The following ANKS1B variants were observed in gnomAD, a reference collection of about 807,000 sequenced individuals.
ANKS1B encodes ankyrin repeat and sterile alpha motif domain-containing protein 1B.
A neutral mutation model predicts 148.3 loss-of-function variants in ANKS1B; 36 were observed. That is an observed-to-expected ratio of 0.24 (90% confidence interval 0.19 to 0.32). The LOEUF (loss-of-function observed/expected upper bound fraction) is 0.32, where lower values mean the gene tolerates loss of function less well. Ranked by LOEUF, ANKS1B falls within the 10% of genes least tolerant of loss-of-function variation. The probability of loss-of-function intolerance (pLI) is 1.00; values close to 1 mark genes in which losing one functional copy is unlikely to be tolerated. For synonymous variants in ANKS1B, 542 were observed against 560.8 expected, an observed-to-expected ratio of 0.97 and a Z score of 0.47; for missense variants, 1,157 against 1,542.6, an observed-to-expected ratio of 0.75 and a Z score of 4.19.
intron 1 of ANKS1B, among the ~76,000 whole-genome samples, chr12:99,935,357 C>CAAA (rs10629199): frequency 0.2 from 25,449 of 129,822 alleles, 2,542 homozygotes; most frequent in Middle Eastern, 0.27. Context: ...AGATGCCTGA[C>CAAA]AAAAAAAAAA....
chr12:99,887,861 C>A (rs1163616366), intron 1 of ANKS1B, among the ~76,000 whole-genome samples: 1 of 152,182 alleles, frequency 6.6e-6, no homozygotes, highest in Non-Finnish European at 1.5e-5. Flanking sequence ...CCCAGTACCT[C>A]GGTCTAGGTT....
At chr12:99,066,386 G>C (rs951291140) in intron 16 of ANKS1B, among the ~76,000 whole-genome samples, 65 of 152,278 alleles carry the variant, frequency 4.3e-4, no homozygotes, top group African/African-American at 1.5e-3. Flanking sequence ...ATTTCAAGTA[G>C]AGAGAACAAC....
At chr12:99,866,118 C>A (rs1224511662) in intron 1 of ANKS1B, among the ~76,000 whole-genome samples, 1 of 152,148 alleles carries the variant, frequency 6.6e-6, no homozygotes, top group African/African-American at 2.4e-5. Context: ...CTAGCTTTTA[C>A]CTTAATTCTG....
chr12:99,038,635 T>G (rs776519253), intron 17 of ANKS1B, among the ~76,000 whole-genome samples: 5 of 152,222 alleles, frequency 3.3e-5, no homozygotes, highest in African/African-American at 4.8e-5. Flanking sequence ...TCACAATACC[T>G]GATCCTGGGC....
At chr12:98,738,999 G>A (rs2097785884), downstream of ANKS1B, among the ~76,000 whole-genome samples, 1 of 152,204 alleles carries the variant, frequency 6.6e-6, no homozygotes, top group Non-Finnish European at 1.5e-5. Context: ...AAGCCCACAG[G>A]CTGGGCATTT....
chr12:99,145,942 T>C (rs2072923538), intron 15 of ANKS1B, among the ~76,000 whole-genome samples: 1 of 152,096 alleles, frequency 6.6e-6, no homozygotes, highest in South Asian at 2.1e-4. Flanking sequence ...ATAATTTATA[T>C]GGAACTATAT....
chr12:99,678,947 A>G (rs1022960980), intron 8 of ANKS1B, among the ~76,000 whole-genome samples: 1 of 152,210 alleles, frequency 6.6e-6, no homozygotes, highest in Admixed American at 6.5e-5. Flanking sequence ...AATGTACTAT[A>G]ATCTCTTATA....
chr12:98,886,922 A>G (rs1482807919), intron 17 of ANKS1B, among the ~76,000 whole-genome samples: 1 of 152,220 alleles, frequency 6.6e-6, no homozygotes, highest in Non-Finnish European at 1.5e-5. Context: ...AAAACTCACA[A>G]ATGCAGAATC....
chr12:99,576,584 T>G (rs2097522459), intron 9 of ANKS1B, among the ~76,000 whole-genome samples: 1 of 152,082 alleles, frequency 6.6e-6, no homozygotes, highest in Admixed American at 6.6e-5. Flanking sequence ...AGAAGATCTC[T>G]CAAGACCACA....
Position 99,968,222 on chromosome 12 carries a change from C to T in ANKS1B, c.134+15882G>A, listed in dbSNP as rs1269535638. 2.0e-5 allele frequency among the ~76,000 whole-genome samples: 3 copies of T among 152,116 alleles called. No individual in the cohort carries two copies. The East Asian group carries it at 5.8e-4, about 29-fold the overall frequency. On this transcript the variant is annotated intron_variant, in intron 1 of 26. Coordinates refer to ENST00000683438, the MANE Select transcript of ANKS1B (RefSeq NM_001352186.2). ...AATTAATAATGAGCTCAGTTAAAAACGACAGGCTTAGATTTATTGGCCTGA... is the reference window on the plus strand; with the variant it reads ...AATTAATAATGAGCTCAGTTAAAAATGACAGGCTTAGATTTATTGGCCTGA...
chr12:99,092,522 A>C (rs1476048203), intron 15 of ANKS1B, among the ~76,000 whole-genome samples: 2 of 151,194 alleles, frequency 1.3e-5, no homozygotes, highest in African/African-American at 4.9e-5. Flanking sequence ...TAATCTTGGC[A>C]GATATCTGAG....
intron 11 of ANKS1B, among the ~76,000 whole-genome samples, chr12:99,433,868 C>A (rs1358720533): frequency 2.0e-5 from 3 of 152,018 alleles, no homozygotes; most frequent in African/African-American, 7.2e-5. Flanking sequence ...AGTGAAATTC[C>A]AAAAGTTCTC....
chr12:99,294,697 A>C (rs2154013750), intron 12 of ANKS1B, among the ~76,000 whole-genome samples: 1 of 152,096 alleles, frequency 6.6e-6, no homozygotes, highest in East Asian at 1.9e-4. Context: ...CCTGCTGCCG[A>C]GGCTGGAGTG....
In ANKS1B at chr12:98,832,063, G is replaced by A. The variant is rs1241224392; in HGVS notation, c.2852C>T (p.Pro951Leu). ...ASLGDRLHDDPPQKPPRSITL... is the reference protein window; with the variant it reads ...ASLGDRLHDDLPQKPPRSITL... ...GATGGACCGAGGGGGCTTCTGTGGGGGATCGTCGTGCAGCCTGTCTCCCAG... is the reference window on the plus strand; with the variant it reads ...GATGGACCGAGGGGGCTTCTGTGGGAGATCGTCGTGCAGCCTGTCTCCCAG... Residue 951 changes from proline to leucine, a missense_variant, in exon 18 of 27, where the codon CCC becomes CTC. Pro to Leu is a moderately conservative substitution (Grantham distance 98). This residue lies in a region of ANKS1B where 258 missense variants were observed against 497.0 expected (regional missense o/e 0.52). Coordinates refer to ENST00000683438, the MANE Select transcript of ANKS1B (RefSeq NM_001352186.2). The A allele has an allele frequency of 6.3e-7, 1 of 1,597,928 alleles. No homozygotes were observed. Among genetic ancestry groups the A allele is most frequent in the Non-Finnish European group, 8.5e-7 (1 of 1,172,138 alleles).
intron 9 of ANKS1B, among the ~76,000 whole-genome samples, chr12:98,736,215 A>T (rs574273986): frequency 8.5e-5 from 13 of 152,224 alleles, no homozygotes; most frequent in Non-Finnish European, 1.8e-4. Flanking sequence ...GAATCAACTG[A>T]AAGGGGAACC....
intron 15 of ANKS1B, among the ~76,000 whole-genome samples, chr12:99,110,576 T>G (rs1305297451): frequency 1.3e-5 from 2 of 152,230 alleles, no homozygotes; most frequent in African/African-American, 2.4e-5. Flanking sequence ...TTTGTGCCAC[T>G]AGGTCGAGCT....
In ANKS1B at chr12:98,857,458, A is replaced by G. The variant is rs1202397550; in HGVS notation, c.2779-25322T>C. Among the ~76,000 whole-genome samples the G allele has an allele frequency of 9.9e-5, 15 of 152,152 alleles. No homozygotes were observed. In the East Asian group the frequency reaches 2.1e-3, roughly 22 times the overall value. The stretch of plus-strand genomic sequence containing the variant: ...GCTTGAGGAGGGAGAGTGGGAAGGG[A>G]CCCAGAGCACAGATGGAGTTATTGG... On this transcript the variant is annotated intron_variant, in intron 17 of 26. Coordinates refer to ENST00000683438, the MANE Select transcript of ANKS1B (RefSeq NM_001352186.2).
intron 14 of ANKS1B, among the ~76,000 whole-genome samples, chr12:99,186,648 C>T (rs188253262): frequency 1.2e-3 from 184 of 152,188 alleles, no homozygotes; most frequent in African/African-American, 4.1e-3. Flanking sequence ...AGCAGAGGGG[C>T]CTGACTGTTA....
intron 16 of ANKS1B, among the ~76,000 whole-genome samples, chr12:99,060,149 C>T (rs1165131317): frequency 6.6e-6 from 1 of 151,976 alleles, no homozygotes; most frequent in African/African-American, 2.4e-5. Context: ...GACAGAAATT[C>T]GAGATAGCAG....
Sources: gnomAD v4.1 joint callset for allele counts (sites outside exome capture counted in the v4.1 genomes callset) on GRCh38, gnomAD v4.1.1 for gene constraint, gnomAD v4.1.1 regional missense constraint, MANE v1.5 for transcripts, NCBI Gene and HGNC (gene_info 2026-07-23, HGNC 2026-07-21) for gene names.